Variants in PRUNE2 observed in about 807,000 individuals in gnomAD.
The protein encoded by PRUNE2 is prune homolog 2 with BCH domain, also known as protein prune homolog 2.
In PRUNE2, 164 loss-of-function variants were observed where a neutral mutation model predicts 252.0. The ratio of observed to expected loss-of-function variants is 0.65; its 90% CI spans 0.57 to 0.74. The LOEUF (loss-of-function observed/expected upper bound fraction) is 0.74. Ranked by LOEUF, PRUNE2 falls within the 30% of genes least tolerant of loss-of-function variation. PRUNE2 has a pLI of 0.00. For missense variants in PRUNE2, 3,495 were observed against 3,711.0 expected, an observed-to-expected ratio of 0.94 and a Z score of 1.51; for synonymous variants, 1,292 against 1,350.2, an observed-to-expected ratio of 0.96 and a Z score of 0.94.
intron 1 of PRUNE2, among the ~76,000 whole-genome samples, chr9:76,900,039 C>A (rs1254706625): frequency 6.6e-6 from 1 of 152,086 alleles, no homozygotes; most frequent in Non-Finnish European, 1.5e-5. Context: ...AGTTTGCCAG[C>A]CATTGTGGTC....
chr9:76,749,605 C>T (rs1303904249), intron 6 of PRUNE2, among the ~76,000 whole-genome samples: 1 of 152,244 alleles, frequency 6.6e-6, no homozygotes, highest in Admixed American at 6.5e-5. Flanking sequence ...AGCTTCCCAG[C>T]TGTCCTTGCT....
chr9:76,726,214 G>A (rs1382301558), intron 6 of PRUNE2, among the ~76,000 whole-genome samples: 1 of 152,242 alleles, frequency 6.6e-6, no homozygotes, highest in East Asian at 1.9e-4. Context: ...ACTTGGGTTC[G>A]GTGCCTATCT....
chr9:76,748,505 G>C (rs553322931), intron 6 of PRUNE2, among the ~76,000 whole-genome samples: 1 of 152,164 alleles, frequency 6.6e-6, no homozygotes, highest in Non-Finnish European at 1.5e-5. Context: ...AAAGATTGGG[G>C]AGTGACTGTT....
chr9:76,779,229 A>G (rs969761017), intron 6 of PRUNE2, among the ~76,000 whole-genome samples: 1 of 139,914 alleles, frequency 7.1e-6, no homozygotes, highest in Non-Finnish European at 1.5e-5. Context: ...TGAAAAACTT[A>G]GACTTTTTTT....
chr9:76,622,373 G>T (rs1209188326), intron 17 of PRUNE2, among the ~76,000 whole-genome samples: 1 of 152,054 alleles, frequency 6.6e-6, no homozygotes, highest in Non-Finnish European at 1.5e-5. Flanking sequence ...TACTGTGGCA[G>T]CTAAGCAGAA....
chr9:76,798,888 G>A (rs1483845868), intron 6 of PRUNE2, among the ~76,000 whole-genome samples: 1 of 152,124 alleles, frequency 6.6e-6, no homozygotes, highest in Admixed American at 6.5e-5. Context: ...AGATACCAAG[G>A]ACCAAGATCA....
chr9:76,751,251 G>GACACAC (rs3048276), intron 6 of PRUNE2, among the ~76,000 whole-genome samples: 6,957 of 149,170 alleles, frequency 0.047, 280 homozygotes, highest in African/African-American at 0.12. Context: ...AGGGGACACA[G>GACACAC]ACACACACAC....
intron 9 of PRUNE2, among the ~76,000 whole-genome samples, chr9:76,665,439 C>T (rs182206030): frequency 1.4e-3 from 216 of 152,240 alleles, no homozygotes; most frequent in Non-Finnish European, 2.7e-3. Context: ...TCACCTCCTC[C>T]CCACAGAGTC....
At chr9:76,699,950 G>A (rs2045737044) in intron 9 of PRUNE2, among the ~76,000 whole-genome samples, 1 of 152,176 alleles carries the variant, frequency 6.6e-6, no homozygotes, top group African/African-American at 2.4e-5. Context: ...CACTGTCTTG[G>A]GGAACTGGTA....
intron 9 of PRUNE2, among the ~76,000 whole-genome samples, chr9:76,701,272 G>C (rs1588681150): frequency 1.3e-5 from 2 of 152,232 alleles, no homozygotes; most frequent in East Asian, 3.8e-4. Flanking sequence ...ATCTAGCACA[G>C]AGGGAGACTT....
chr9:76,837,466 AATAAT>A (rs1274627117), intron 4 of PRUNE2, among the ~76,000 whole-genome samples: 2 of 69,634 alleles, frequency 2.9e-5, no homozygotes. Flanking sequence ...TAATAATAAT[AATAAT>A]AATAATGCTA....
chr9:76,899,355 T>G (rs1327202050), intron 1 of PRUNE2, among the ~76,000 whole-genome samples: 1 of 152,240 alleles, frequency 6.6e-6, no homozygotes, highest in Non-Finnish European at 1.5e-5. Flanking sequence ...GATTTTTATT[T>G]TGTCTTAACA....
Position 76,710,160 on chromosome 9 carries a change from G to T in PRUNE2, c.2114C>A (p.Pro705Gln). Residue 705 changes from proline to glutamine, a missense_variant, in exon 8 of 19, where the codon CCA becomes CAA. By Grantham distance (76) the Pro-to-Gln change is moderately conservative. Coordinates refer to ENST00000376718, the MANE Select transcript of PRUNE2 (RefSeq NM_015225.3). ...TGACTTTGTAAATTCGAGGCTCTTT[G>T]GTTGAAATACAGAATCTGAGGCTCT... ...DRRASDSVFQPKSLEFTKSGP... is the reference protein window; with the variant it reads ...DRRASDSVFQQKSLEFTKSGP... 6.2e-7 allele frequency: 1 copy of T among 1,613,800 alleles called. No homozygotes were observed. The highest frequency in any genetic ancestry group is 8.5e-7 in the Non-Finnish European group (1 of 1,179,838).
chr9:76,671,985 C>T (rs1281294921), intron 9 of PRUNE2, among the ~76,000 whole-genome samples: 1 of 151,686 alleles, frequency 6.6e-6, no homozygotes, highest in Non-Finnish European at 1.5e-5. Context: ...TAGGAAGAAA[C>T]TGCATCAACT....
At chr9:76,868,419 TAC>T (rs2060972438) in intron 1 of PRUNE2, among the ~76,000 whole-genome samples, 2 of 152,184 alleles carry the variant, frequency 1.3e-5, no homozygotes, top group South Asian at 4.1e-4. Context: ...TGTCCACACA[TAC>T]ACTCAGGCCT....
intron 4 of PRUNE2, among the ~76,000 whole-genome samples, chr9:76,843,114 T>TA (rs2059482200): frequency 6.6e-6 from 1 of 152,102 alleles, no homozygotes; most frequent in East Asian, 1.9e-4. Context: ...ATGTGGCACA[T>TA]ATACACCATG....
At chr9:76,794,627 A>AAG (rs1237378146) in intron 6 of PRUNE2, among the ~76,000 whole-genome samples, 2 of 141,842 alleles carry the variant, frequency 1.4e-5, no homozygotes, top group African/African-American at 5.9e-5. Flanking sequence ...AAAAAAAAAA[A>AAG]AAAGAAAAGA....
intron 6 of PRUNE2, among the ~76,000 whole-genome samples, chr9:76,768,577 ATATGTATGTGTGTG>A (rs1258703608): frequency 1.3e-4 from 13 of 98,190 alleles, no homozygotes; most frequent in East Asian, 3.6e-4. Context: ...ATATATATGT[ATATGTATGTGTGTG>A]TGTGTGTGTG....
chr9:76,785,554 T>C (rs1041359262), intron 6 of PRUNE2: 2 of 152,206 alleles, frequency 1.3e-5, no homozygotes, highest in Non-Finnish European at 2.9e-5. Flanking sequence ...TTTATCCATT[T>C]CATGGTGAGT....
Sources: allele counts gnomAD v4.1 joint callset (sites outside exome capture counted in the v4.1 genomes callset), GRCh38; gene constraint gnomAD v4.1.1; transcripts MANE v1.5; gene names NCBI Gene and HGNC (gene_info 2026-07-23, HGNC 2026-07-21).